PALM2AKAP2: variants seen among roughly 807,000 people sequenced by gnomAD.
PALM2AKAP2 encodes PALM2 and AKAP2 fusion.
In PALM2AKAP2, 37 loss-of-function variants were observed where a neutral mutation model predicts 71.5. The ratio of observed to expected loss-of-function variants is 0.52; its 90% CI spans 0.40 to 0.68. The LOEUF (loss-of-function observed/expected upper bound fraction) is 0.68, where lower values mean the gene tolerates loss of function less well. Among genes scored for constraint, PALM2AKAP2 ranks in the 30% least tolerant of loss-of-function variants. The pLI is 0.00. For missense variants in PALM2AKAP2, 1,224 were observed against 1,191.8 expected, an observed-to-expected ratio of 1.03 and a Z score of -0.40; for synonymous variants, 468 against 478.8, an observed-to-expected ratio of 0.98 and a Z score of 0.29.
intron 6 of PALM2AKAP2, among the ~76,000 whole-genome samples, chr9:109,966,816 G>C (rs1831958393): frequency 6.6e-6 from 1 of 152,190 alleles, no homozygotes; most frequent in East Asian, 1.9e-4. Flanking sequence ...TTCTGGTTCA[G>C]TAGGTCTCAG....
At chr9:110,154,571 T>A (rs1180044378) in intron 2 of PALM2AKAP2, among the ~76,000 whole-genome samples, 2 of 152,204 alleles carry the variant, frequency 1.3e-5, no homozygotes, top group Non-Finnish European at 2.9e-5. Context: ...ATAGGGGTCA[T>A]TATAGCATTC....
chr9:110,148,167 T>C (rs1302190149), intron 2 of PALM2AKAP2, among the ~76,000 whole-genome samples: 1 of 152,198 alleles, frequency 6.6e-6, no homozygotes, highest in African/African-American at 2.4e-5. Flanking sequence ...ATAATTTTCA[T>C]TCTTACTGTT....
chr9:110,017,730 T>A (rs1833005678), intron 7 of PALM2AKAP2, among the ~76,000 whole-genome samples: 1 of 102,504 alleles, frequency 9.8e-6, no homozygotes, highest in Non-Finnish European at 1.8e-5. Flanking sequence ...GGCATATTCC[T>A]TTTTTTTTTT....
At chr9:110,066,090 T>C (rs1182871844) in intron 1 of PALM2AKAP2, among the ~76,000 whole-genome samples, 2 of 152,250 alleles carry the variant, frequency 1.3e-5, no homozygotes, top group Non-Finnish European at 2.9e-5. Flanking sequence ...CTAGCAAAGA[T>C]GCAAAGAACA....
intron 2 of PALM2AKAP2, among the ~76,000 whole-genome samples, chr9:109,875,261 A>G (rs1829696767): frequency 1.3e-5 from 2 of 152,186 alleles, no homozygotes; most frequent in South Asian, 4.1e-4. Context: ...TTGAATGTTC[A>G]AGTCATCAGA....
At chr9:109,973,574 ATCC>A (rs564865507) in intron 6 of PALM2AKAP2, among the ~76,000 whole-genome samples, 363 of 152,316 alleles carry the variant, frequency 2.4e-3, no homozygotes, top group African/African-American at 8.2e-3. Flanking sequence ...GTAGGGGAGT[ATCC>A]TCCTCCCATA....
At chr9:109,663,502 T>A (rs1827433082) in intron 1 of PALM2AKAP2, among the ~76,000 whole-genome samples, 1 of 152,206 alleles carries the variant, frequency 6.6e-6, no homozygotes, top group Admixed American at 6.5e-5. Context: ...TGGTTTTGAG[T>A]GAGTTTCTTA....
intron 1 of PALM2AKAP2, among the ~76,000 whole-genome samples, chr9:109,865,478 TG>T (rs1829425248): frequency 3.3e-5 from 5 of 152,066 alleles, no homozygotes; most frequent in Admixed American, 3.3e-4. Flanking sequence ...TGATCACCAA[TG>T]AGCCTGCTGC....
intron 1 of PALM2AKAP2, among the ~76,000 whole-genome samples, chr9:109,659,296 CAA>C (rs967476108): frequency 6.6e-6 from 1 of 152,148 alleles, no homozygotes; most frequent in Non-Finnish European, 1.5e-5. Flanking sequence ...GGTGTATCCA[CAA>C]AGTTGCCCAT....
At chr9:109,916,052 T>C (rs1230177976) in intron 3 of PALM2AKAP2, among the ~76,000 whole-genome samples, 1 of 152,092 alleles carries the variant, frequency 6.6e-6, no homozygotes, top group African/African-American at 2.4e-5. Flanking sequence ...CAAGCGATTC[T>C]CCTGCCTCAG....
At chr9:109,825,430 T>C (rs1281739683) in intron 1 of PALM2AKAP2, among the ~76,000 whole-genome samples, 1 of 152,176 alleles carries the variant, frequency 6.6e-6, no homozygotes, top group African/African-American at 2.4e-5. Flanking sequence ...ACAGGCAGCT[T>C]ACAGAATGGG....
chr9:109,757,538 A>G (rs1828982357), intron 1 of PALM2AKAP2, among the ~76,000 whole-genome samples: 1 of 152,144 alleles, frequency 6.6e-6, no homozygotes, highest in Admixed American at 6.6e-5. Context: ...CAAGCTGTGC[A>G]TTGCACAACT....
At chr9:109,891,672 G>T (rs368685033) in intron 3 of PALM2AKAP2, among the ~76,000 whole-genome samples, 1 of 152,114 alleles carries the variant, frequency 6.6e-6, no homozygotes, top group African/African-American at 2.4e-5. Context: ...TGTATTTTTC[G>T]TAATGATGGG....
At chr9:109,952,185 T>C (rs1443956854) in intron 6 of PALM2AKAP2, among the ~76,000 whole-genome samples, 1 of 152,244 alleles carries the variant, frequency 6.6e-6, no homozygotes, top group Non-Finnish European at 1.5e-5. Context: ...TATGGCCATG[T>C]TCTAATAAAC....
At chr9:110,137,038 G>A (rs1261144262) in exon 2 of PALM2AKAP2, 1 of 1,614,138 alleles carries the variant, frequency 6.2e-7, no homozygotes, top group East Asian at 2.2e-5. Flanking sequence ...AGTACAAGGA[G>A]CGCAAAGAGA....
At chr9:110,008,606 C>A (rs1418113866) in intron 6 of PALM2AKAP2, among the ~76,000 whole-genome samples, 1 of 152,082 alleles carries the variant, frequency 6.6e-6, no homozygotes, top group East Asian at 1.9e-4. Flanking sequence ...TCTAGAAGGA[C>A]TCCTTCTTCC....
At chr9:110,078,950 A>G (rs1362655465) in intron 1 of PALM2AKAP2, among the ~76,000 whole-genome samples, 2 of 152,256 alleles carry the variant, frequency 1.3e-5, no homozygotes, top group Admixed American at 1.3e-4. Context: ...ACTGCTTATG[A>G]CAACTAATTT....
chr9:110,105,912 T>C (rs34267328), intron 1 of PALM2AKAP2, among the ~76,000 whole-genome samples: 9,926 of 152,306 alleles, frequency 0.065, 369 homozygotes, highest in Middle Eastern at 0.095. Flanking sequence ...AAGAAGCGTC[T>C]GACCAATAAA....
chr9:110,087,660 C>A (rs1298077799), intron 1 of PALM2AKAP2, among the ~76,000 whole-genome samples: 1 of 152,212 alleles, frequency 6.6e-6, no homozygotes, highest in African/African-American at 2.4e-5. Flanking sequence ...GCATGGATTT[C>A]TCTTTTCCCA....
Sources: allele counts gnomAD v4.1 joint callset (sites outside exome capture counted in the v4.1 genomes callset), GRCh38; gene constraint gnomAD v4.1.1; transcripts MANE v1.5; gene names NCBI Gene and HGNC (gene_info 2026-07-23, HGNC 2026-07-21).